Variants in SGCZ observed in about 807,000 individuals in gnomAD.
SGCZ encodes zeta-sarcoglycan.
Under a neutral mutation model 41.3 loss-of-function variants are expected in SGCZ, and 40 were observed. The ratio of observed to expected loss-of-function variants is 0.97; its 90% CI spans 0.75 to 1.26. The LOEUF is 1.26. SGCZ is among the 50% of genes most tolerant of loss of function. The pLI is 0.00. For missense variants in SGCZ, 552 were observed against 369.8 expected (o/e 1.49, Z -4.04); for synonymous variants, 206 against 137.5 (o/e 1.50, Z -3.49).
At chr8:14,260,089 T>C (rs1349337968) in intron 3 of SGCZ, among the ~76,000 whole-genome samples, 1 of 151,940 alleles carries the variant, frequency 6.6e-6, no homozygotes, top group East Asian at 1.9e-4. Context: ...TGAATGGGAG[T>C]TCACTCATGA....
At chr8:14,868,566 A>G (rs73666908) in intron 1 of SGCZ, among the ~76,000 whole-genome samples, 5,638 of 152,208 alleles carry the variant, frequency 0.037, 284 homozygotes, top group African/African-American at 0.12. Flanking sequence ...GATTTTCTGG[A>G]GAGAGTAATT....
chr8:15,237,590 G>C lies in SGCZ; in HGVS notation c.34C>G (p.Leu12Val), dbSNP rs749474836. Residue 12 changes from leucine to valine, a missense_variant, in exon 1 of 8, where the codon CTC becomes GTC. Leu to Val is a conservative substitution (Grantham distance 32). Transcript: ENST00000382080. ...DRSTNLDIEE[L>V]KMTREQYILA... ...CCGCCCGGACCCGCACGTACCTTGA[G>C]CTCCTCAATGTCCAGGTTCGTTGAT... 2.5e-6 allele frequency: 4 copies of C among 1,590,842 alleles called. No homozygotes were observed. The highest frequency in any genetic ancestry group is 3.4e-6 in the Non-Finnish European group (4 of 1,166,872).
At chr8:14,554,678 C>CTAGA in intron 2 of SGCZ, 54 bp downstream of exon 2, 1 of 1,435,778 alleles carries the variant, frequency 7.0e-7, no homozygotes, top group Non-Finnish European at 9.5e-7. Flanking sequence ...AGTAACAGAG[C>CTAGA]TAGATTGTCT....
chr8:14,436,164 C>G (rs1048663188), intron 2 of SGCZ, among the ~76,000 whole-genome samples: 7 of 152,076 alleles, frequency 4.6e-5, no homozygotes, highest in Non-Finnish European at 1.0e-4. Context: ...TCCTCTGCCC[C>G]GACCTCTTGC....
chr8:14,767,983 C>T (rs775546442), intron 1 of SGCZ, among the ~76,000 whole-genome samples: 4 of 152,132 alleles, frequency 2.6e-5, no homozygotes, highest in Non-Finnish European at 5.9e-5. Flanking sequence ...AGTGGGATCC[C>T]AGTCCTCCAT....
At chr8:14,357,202 T>A (rs1361023030) in intron 2 of SGCZ, among the ~76,000 whole-genome samples, 1 of 152,176 alleles carries the variant, frequency 6.6e-6, no homozygotes, top group Non-Finnish European at 1.5e-5. Context: ...CAAATACTGC[T>A]AAATCATATA....
At chr8:15,088,001 ACT>A (rs1405413983) in intron 1 of SGCZ, among the ~76,000 whole-genome samples, 1 of 151,792 alleles carries the variant, frequency 6.6e-6, no homozygotes, top group African/African-American at 2.4e-5. Context: ...GTCATTTCTG[ACT>A]CTCTCTCACT....
At chr8:14,915,335 A>C (rs1309106621) in intron 1 of SGCZ, among the ~76,000 whole-genome samples, 1 of 152,170 alleles carries the variant, frequency 6.6e-6, no homozygotes, top group East Asian at 1.9e-4. Context: ...TATAGGAGTT[A>C]AGAAATCACT....
At chr8:14,713,143 C>T (rs1048021251) in intron 1 of SGCZ, among the ~76,000 whole-genome samples, 1 of 152,124 alleles carries the variant, frequency 6.6e-6, no homozygotes, top group African/African-American at 2.4e-5. Flanking sequence ...CTAATGAAAC[C>T]TCTAAGTGTA....
chr8:14,090,932 T>C (rs1236908440), intron 7 of SGCZ, among the ~76,000 whole-genome samples: 1 of 151,928 alleles, frequency 6.6e-6, no homozygotes, highest in Non-Finnish European at 1.5e-5. Flanking sequence ...CACAGAAAAT[T>C]AATGATTTTG....
intron 1 of SGCZ, among the ~76,000 whole-genome samples, chr8:14,908,609 G>A (rs543802821): frequency 6.6e-6 from 1 of 151,844 alleles, no homozygotes; most frequent in African/African-American, 2.4e-5. Context: ...AATTAGCCGG[G>A]CGTGGTGACA....
At chr8:14,486,807 C>T (rs1359463716) in intron 2 of SGCZ, among the ~76,000 whole-genome samples, 1 of 152,202 alleles carries the variant, frequency 6.6e-6, no homozygotes, top group Non-Finnish European at 1.5e-5. Flanking sequence ...AGGCATGAGC[C>T]ACCACACTTG....
At chr8:14,974,909 A>G (rs1801415325) in intron 1 of SGCZ, among the ~76,000 whole-genome samples, 1 of 151,938 alleles carries the variant, frequency 6.6e-6, no homozygotes, top group Non-Finnish European at 1.5e-5. Flanking sequence ...CTCTGCCTCC[A>G]ATCTGGACCA....
At chr8:14,835,873 G>A (rs1802685221) in intron 1 of SGCZ, among the ~76,000 whole-genome samples, 1 of 152,066 alleles carries the variant, frequency 6.6e-6, no homozygotes, top group Non-Finnish European at 1.5e-5. Flanking sequence ...ATAATAATTT[G>A]CAAAAATTAA....
At chr8:14,835,735 G>A (rs148357502) in intron 1 of SGCZ, among the ~76,000 whole-genome samples, 181 of 152,262 alleles carry the variant, frequency 1.2e-3, no homozygotes, top group African/African-American at 4.0e-3. Flanking sequence ...TCTTGGTAAC[G>A]CGGGCTGTGT....
intron 7 of SGCZ, among the ~76,000 whole-genome samples, chr8:14,100,985 G>C (rs1270468950): frequency 6.6e-6 from 1 of 151,996 alleles, no homozygotes; most frequent in African/African-American, 2.4e-5. Context: ...CAATACAACA[G>C]ATTTACACTG....
At chr8:14,847,710 G>A (rs1803181408) in intron 1 of SGCZ, among the ~76,000 whole-genome samples, 1 of 130,982 alleles carries the variant, frequency 7.6e-6, no homozygotes, top group African/African-American at 2.9e-5. Context: ...GAGGAGGGAG[G>A]GGAGGAGGAA....
chr8:15,093,497 A>AC lies in SGCZ; in HGVS notation c.39+144087_39+144088insG, dbSNP rs1806226349. Among the ~76,000 whole-genome samples, 14 of 152,196 alleles carry AC rather than the reference A, an allele frequency of 9.2e-5. 1 individual carries two copies. Among genetic ancestry groups the AC allele is most frequent in the Admixed American group, 9.2e-4 (14 of 15,272 alleles). ...TAATCAGCATAACAGTTGCTTAGAA[A>AC]AGGGTCTCATTGTTTTTATTTTTTT... On this transcript the variant is annotated intron_variant, in intron 1 of 7. Transcript: ENST00000382080.
chr8:14,224,094 A>G (rs1227604487), intron 4 of SGCZ, among the ~76,000 whole-genome samples: 1 of 152,184 alleles, frequency 6.6e-6, no homozygotes, highest in African/African-American at 2.4e-5. Context: ...CTATTCTGGT[A>G]CCCTTAGCTC....
Sources: allele counts gnomAD v4.1 joint callset (sites outside exome capture counted in the v4.1 genomes callset), GRCh38; gene constraint gnomAD v4.1.1; transcripts MANE v1.5; gene names NCBI Gene and HGNC (gene_info 2026-07-23, HGNC 2026-07-21).